Variants in ZNF549 observed in about 807,000 individuals in gnomAD.
ZNF549 encodes zinc finger protein 549.
Under a neutral mutation model 11.1 loss-of-function variants are expected in ZNF549, and 11 were observed. The ratio of observed to expected loss-of-function variants is 0.99; its 90% CI spans 0.62 to 1.64. ZNF549 has a LOEUF of 1.64. ZNF549 is among the 40% of genes most tolerant of loss of function. The pLI is 0.00. For missense variants in ZNF549, 748 were observed against 765.1 expected (o/e 0.98, Z 0.26); for synonymous variants, 266 against 269.1 (o/e 0.99, Z 0.11).
intron 2 of ZNF549, among the ~76,000 whole-genome samples, chr19:57,534,242 G>A (rs1248944606): frequency 6.6e-6 from 1 of 152,156 alleles, no homozygotes; most frequent in East Asian, 1.9e-4. Flanking sequence ...GGTGTGTGGG[G>A]GTAGGATGAA....
intron 1 of ZNF549, among the ~76,000 whole-genome samples, chr19:57,530,779 C>T (rs1357648220): frequency 1.3e-5 from 2 of 152,108 alleles, no homozygotes; most frequent in African/African-American, 4.8e-5. Context: ...ACCACATTCA[C>T]ATAAAGACTT....
Position 57,538,049 on chromosome 19 carries a change from G to A in ZNF549, c.1045G>A (p.Gly349Ser), listed in dbSNP as rs1251457653. 6.2e-7 allele frequency: 1 copy of A among 1,613,954 alleles called. No homozygotes were observed. The highest frequency in any genetic ancestry group is 8.5e-7 in the Non-Finnish European group (1 of 1,179,990). The stretch of plus-strand genomic sequence containing the variant: ...ATTCCGCCACAAACAAACATTTGTT[G>A]GCCATCAGCAGAGAATCCACACTGG... ...KSFRHKQTFV[G>S]HQQRIHTGER... Residue 349 changes from glycine to serine, a missense_variant, in exon 4 of 4, where the codon GGC becomes AGC. Gly to Ser is a moderately conservative substitution (Grantham distance 56). Transcript: ENST00000376233.
rs368522922 is a variant in ZNF549, at chr19:57,540,465, A to T, written c.*1538A>T. ...TCTCAGTAAGTGTCTTGTCTTAGAA[A>T]TATGTGTGTATAGGCTGGGTGCGGT... On this transcript the variant is annotated 3_prime_UTR_variant, in exon 4 of 4. Transcript: ENST00000376233. The T allele has an allele frequency of 3.3e-5, 5 of 152,220 alleles. No homozygotes were observed. The highest frequency in any genetic ancestry group is 1.2e-4 in the African/African-American group (5 of 41,446). The allele number at this position is 152,220 out of a possible 1,614,324, so 9.4% of individuals were successfully genotyped here. A position where few individuals can be genotyped will look rare whatever the true frequency, so the allele number is the denominator to read the frequency against.
intron 3 of ZNF549, 130 bp downstream of exon 3, chr19:57,535,400 G>A (rs1270567560): frequency 1.5e-6 from 2 of 1,348,004 alleles, no homozygotes; most frequent in Non-Finnish European, 2.0e-6. Context: ...ACCTGTGGAA[G>A]ACATAGGCGT....
chr19:57,534,236 T>C (rs1383595204), intron 2 of ZNF549, among the ~76,000 whole-genome samples: 2 of 152,048 alleles, frequency 1.3e-5, no homozygotes, highest in South Asian at 2.1e-4. Context: ...ACCATGGGTG[T>C]GTGGGGGTAG....
At position 57,538,375 on chromosome 19, in the gene ZNF549, G is replaced by T. The variant is rs139486532; in HGVS notation, c.1371G>T (p.Ser457=). The change falls in exon 4 of 4, where the codon TCG becomes TCT. Residue 457 remains serine, a synonymous_variant. Transcript: ENST00000376233. ...CIICGKSFIR[S]SDYMRHQRIH... is the part of the protein sequence containing the mutation. ...TATGTGGGAAATCATTTATCCGCTC[G>T]TCTGACTACATGCGACACCAGAGAA... is the stretch of plus-strand genomic sequence containing the variant. 6.2e-7 allele frequency: 1 copy of T among 1,612,634 alleles called. No homozygotes were observed. The highest frequency in any genetic ancestry group is 2.2e-5 in the East Asian group (1 of 44,778).
rs2089945923 is a variant in ZNF549, at chr19:57,539,546, T to A, written c.*619T>A. 6.6e-6 allele frequency: 1 copy of A among 152,226 alleles called. No homozygotes were observed. Among genetic ancestry groups the A allele is most frequent in the South Asian group, 2.1e-4 (1 of 4,822 alleles). The allele number at this position is 152,226 out of a possible 1,614,324, so 9.4% of individuals were successfully genotyped here. On this transcript the variant is annotated 3_prime_UTR_variant, in exon 4 of 4. Transcript: ENST00000376233. Reference sequence around the variant, plus strand: ...TTAGTCCTGTTTGTCTTAATTTTTATTGGTTTCCAAGGTCTCCTAGGAAGG... The same window carrying A: ...TTAGTCCTGTTTGTCTTAATTTTTAATGGTTTCCAAGGTCTCCTAGGAAGG...
chr19:57,533,550 G>A (rs1220485604), intron 2 of ZNF549, among the ~76,000 whole-genome samples: 1 of 152,028 alleles, frequency 6.6e-6, no homozygotes, highest in East Asian at 1.9e-4. Context: ...TATTCACCAT[G>A]AGAACTTGGT....
intron 2 of ZNF549, among the ~76,000 whole-genome samples, chr19:57,532,998 C>G (rs2089910350): frequency 6.6e-6 from 1 of 152,184 alleles, no homozygotes; most frequent in Admixed American, 6.5e-5. Context: ...GCGCCCGCCA[C>G]CACGCCCAAC....
At chr19:57,528,236 A>C (rs1385774435) in intron 1 of ZNF549, among the ~76,000 whole-genome samples, 1 of 152,214 alleles carries the variant, frequency 6.6e-6, no homozygotes, top group African/African-American at 2.4e-5. Flanking sequence ...GTATGATCCC[A>C]AGTTTTTCTT....
chr19:57,536,900 G>A (rs2089926991), intron 3 of ZNF549, among the ~76,000 whole-genome samples: 1 of 152,032 alleles, frequency 6.6e-6, no homozygotes, highest in South Asian at 2.1e-4. Flanking sequence ...GACCAGCCTC[G>A]ACAACATAAT....
chr19:57,538,703 A>AC lies in ZNF549; in HGVS notation c.1699_1700insC (p.Arg567ThrfsTer20). ...GTGCAGTGAATGTGGGAAATGCTTTAGACACCGCACCAGCCTCATTCAACA... is the reference window on the plus strand; with the variant it reads ...GTGCAGTGAATGTGGGAAATGCTTTACGACACCGCACCAGCCTCATTCAACA... On this transcript the variant is annotated frameshift_variant, in exon 4 of 4. Transcript: ENST00000376233. LOFTEE classifies it low-confidence loss of function (END_TRUNC). 3.7e-6 allele frequency: 6 copies of AC among 1,614,192 alleles called. No individual in the cohort carries two copies. Among genetic ancestry groups the AC allele is most frequent in the Non-Finnish European group, 5.1e-6 (6 of 1,180,024 alleles).
Position 57,539,086 on chromosome 19 carries a change from T to G in ZNF549, c.*159T>G. ...AGTACTTGGGAAGCTTTCTAGAGAT[T>G]ACTTGTACTTTCTAATCTGCCCAGT... On this transcript the variant is annotated 3_prime_UTR_variant, in exon 4 of 4. Transcript: ENST00000376233. The G allele has an allele frequency of 1.3e-6, 1 of 784,350 alleles. No individual in the cohort carries two copies. The highest frequency in any genetic ancestry group is 2.0e-6 in the Non-Finnish European group (1 of 505,612). The allele number at this position is 784,350 out of a possible 1,614,324, so 48.6% of individuals were successfully genotyped here.
chr19:57,538,407 C>G lies in ZNF549; in HGVS notation c.1403C>G (p.Thr468Ser). 1.2e-6 allele frequency: 2 copies of G among 1,614,188 alleles called. No individual in the cohort carries two copies. The highest frequency in any genetic ancestry group is 2.2e-5 in the South Asian group (2 of 91,088). Residue 468 changes from threonine (T) to serine (S), a missense_variant, in exon 4 of 4, where the codon ACT (threonine) becomes AGT (serine). Coordinates refer to ENST00000376233, the MANE Select transcript of ZNF549 (RefSeq NM_001199295.2). ...SDYMRHQRIH[T>S]GERAYECSDC... Reference sequence around the variant, plus strand: ...TACATGCGACACCAGAGAATTCACACTGGAGAAAGGGCTTATGAATGCAGT... The same window carrying G: ...TACATGCGACACCAGAGAATTCACAGTGGAGAAAGGGCTTATGAATGCAGT...
At chr19:57,533,663 T>G (rs188861133) in intron 2 of ZNF549, among the ~76,000 whole-genome samples, 1 of 152,326 alleles carries the variant, frequency 6.6e-6, no homozygotes, top group East Asian at 1.9e-4. Context: ...TTCCAGCAAT[T>G]TATGCATTAT....
intron 2 of ZNF549, among the ~76,000 whole-genome samples, chr19:57,533,188 G>A (rs963997303): frequency 2.0e-5 from 3 of 152,192 alleles, no homozygotes; most frequent in African/African-American, 7.2e-5. Context: ...TAATAATGTG[G>A]TGGTGAGGTG....
rs1216994270 is a variant in ZNF549 at position 57,539,084 on chromosome 19, A to G, written c.*157A>G. 1.2e-6 allele frequency: 1 copy of G among 807,318 alleles called. No individual in the cohort carries two copies. The highest frequency in any genetic ancestry group is 1.9e-6 in the Non-Finnish European group (1 of 525,926). The allele number at this position is 807,318 out of a possible 1,614,324, so 50.0% of individuals were successfully genotyped here. ...CAAGTACTTGGGAAGCTTTCTAGAG[A>G]TTACTTGTACTTTCTAATCTGCCCA... On this transcript the variant is annotated 3_prime_UTR_variant, in exon 4 of 4. Coordinates refer to ENST00000376233, the MANE Select transcript of ZNF549 (RefSeq NM_001199295.2).
At chr19:57,537,179 T>C in intron 3 of ZNF549, 25 bp from the exon 4 acceptor site, 9 of 1,594,882 alleles carry the variant, frequency 5.6e-6, no homozygotes, top group Non-Finnish European at 7.7e-6. Context: ...CTGCATATAC[T>C]TCACTTGCAT....
At chr19:57,533,799 G>C (rs2089913340) in intron 2 of ZNF549, among the ~76,000 whole-genome samples, 2 of 152,240 alleles carry the variant, frequency 1.3e-5, no homozygotes, top group Admixed American at 1.3e-4. Flanking sequence ...GCAGCAGTGT[G>C]TGCTGTGCCC....
Sources: gnomAD v4.1 joint callset for allele counts (sites outside exome capture counted in the v4.1 genomes callset) on GRCh38, gnomAD v4.1.1 for gene constraint, MANE v1.5 for transcripts, NCBI Gene and HGNC (gene_info 2026-07-23, HGNC 2026-07-21) for gene names.